Variants in ERP29 observed in about 807,000 individuals in gnomAD.
ERP29 encodes endoplasmic reticulum protein 29.
A neutral mutation model predicts 21.7 loss-of-function variants in ERP29; 14 were observed. The ratio of observed to expected loss-of-function variants is 0.64; its 90% CI spans 0.43 to 1.01. ERP29 has a LOEUF of 1.01. ERP29 is among the 50% of genes least tolerant of loss of function. The pLI, the probability that ERP29 is intolerant of heterozygous loss-of-function variation, is 0.00. For synonymous variants in ERP29, 129 were observed against 139.1 expected, an observed-to-expected ratio of 0.93 and a Z score of 0.51; for missense variants, 286 against 327.3, an observed-to-expected ratio of 0.87 and a Z score of 0.97.
At chr12:112,017,783 C>CTTTTT (rs1179680378) in intron 1 of ERP29, among the ~76,000 whole-genome samples, 2 of 124,138 alleles carry the variant, frequency 1.6e-5, no homozygotes, top group Non-Finnish European at 3.3e-5. Flanking sequence ...CTTTTTTTTT[C>CTTTTT]TTTTTTTTTT....
chr12:112,020,525 G>A (rs1048010563), intron 2 of ERP29, among the ~76,000 whole-genome samples: 2 of 152,166 alleles, frequency 1.3e-5, no homozygotes, highest in East Asian at 3.9e-4. Context: ...GGGTGATAGA[G>A]TGGCTCATCC....
Position 112,013,431 on chromosome 12 carries a change from C to A in ERP29, c.-35C>A, listed in dbSNP as rs779569535. 1.3e-6 allele frequency: 2 copies of A among 1,589,144 alleles called. No individual in the cohort carries two copies. Among genetic ancestry groups the A allele is most frequent in the South Asian group, 1.1e-5 (1 of 87,510 alleles). ...GCTGACTCGGGGCGTTCTCCACTAT[C>A]GCTTACCTACCTCCCTCTGCAGGAA... On this transcript the variant is annotated 5_prime_UTR_variant, in exon 1 of 3. Coordinates refer to ENST00000261735, the MANE Select transcript of ERP29 (RefSeq NM_006817.4).
chr12:112,017,656 A>C (rs1450236532), intron 1 of ERP29, among the ~76,000 whole-genome samples: 8 of 152,090 alleles, frequency 5.3e-5, no homozygotes, highest in Non-Finnish European at 2.9e-5. Flanking sequence ...TTTAAAGATG[A>C]CTTGTTCTGG....
rs878985186 is a variant in ERP29, at chr12:112,021,208, A to G, written c.284-942A>G. On this transcript the variant is annotated intron_variant, in intron 2 of 2. Coordinates refer to ENST00000261735, the MANE Select transcript of ERP29 (RefSeq NM_006817.4). Reference sequence around the variant, plus strand: ...TACCACATGCTCCCCTTTCTCACCCAGCTCCAGCCAGACTGGTCTTTGTAA... The same window carrying G: ...TACCACATGCTCCCCTTTCTCACCCGGCTCCAGCCAGACTGGTCTTTGTAA... 3.3e-5 allele frequency among the ~76,000 whole-genome samples: 5 copies of G among 151,982 alleles called. No homozygotes were observed. In the East Asian group the frequency reaches 7.8e-4, roughly 24 times the overall value.
chr12:112,017,931 CCCA>C (rs1299173368), intron 1 of ERP29, among the ~76,000 whole-genome samples: 1 of 151,414 alleles, frequency 6.6e-6, no homozygotes, highest in Non-Finnish European at 1.5e-5. Context: ...ATTACAGGCG[CCCA>C]CCACAACGCC....
rs767084110 is a variant in ERP29, at chr12:112,013,508, C to A, written c.43C>A (p.Leu15Ile). ...CCGCGCCGCATTTCTCTCCCCGCTG[C>A]TTCCCCTTCTCCTGGGCTTCCTGCT... is the stretch of plus-strand genomic sequence containing the variant. ...VPRAAFLSPL[L>I]PLLLGFLLLS... is the part of the protein sequence containing the mutation. Residue 15 changes from leucine (L) to isoleucine (I), a missense_variant, in exon 1 of 3, where the codon CTT becomes ATT. By Grantham distance (5) the Leu-to-Ile change is conservative. Coordinates refer to ENST00000261735, the MANE Select transcript of ERP29 (RefSeq NM_006817.4). 8 of 1,612,606 alleles carry A rather than the reference C, an allele frequency of 5.0e-6. No homozygotes were observed. The highest frequency in any genetic ancestry group is 5.9e-6 in the Non-Finnish European group (7 of 1,179,424).
intron 1 of ERP29, among the ~76,000 whole-genome samples, chr12:112,017,621 C>T (rs895409032): frequency 2.0e-5 from 3 of 152,090 alleles, no homozygotes; most frequent in Non-Finnish European, 4.4e-5. Flanking sequence ...TGCTTTTAGG[C>T]CCCCAGAGCT....
chr12:112,015,635 G>T (rs1389650612), intron 1 of ERP29, among the ~76,000 whole-genome samples: 1 of 152,104 alleles, frequency 6.6e-6, no homozygotes, highest in East Asian at 1.9e-4. Flanking sequence ...TAATATCACA[G>T]AACAAGTGTG....
chr12:112,022,598 C>T lies in ERP29; in HGVS notation c.732C>T (p.Ser244=). The T allele has an allele frequency of 6.2e-7, 1 of 1,613,830 alleles. No homozygotes were observed. The highest frequency in any genetic ancestry group is 8.5e-7 in the Non-Finnish European group (1 of 1,179,868). Reference sequence around the variant, plus strand: ...GGAAGAAGGAGGAGCTCCAGAAGAGCTTAAACATCCTGACTGCCTTCCAGA... The same window carrying T: ...GGAAGAAGGAGGAGCTCCAGAAGAGTTTAAACATCCTGACTGCCTTCCAGA... ...SDGKKEELQK[S]LNILTAFQKK... is the part of the protein sequence containing the mutation. The change falls in exon 3 of 3, where the codon AGC becomes AGT. Residue 244 remains serine (S), a synonymous_variant. Transcript: ENST00000261735.
chr12:112,022,740 G>C lies in ERP29; in HGVS notation c.*88G>C, dbSNP rs958196603. The C allele has an allele frequency of 2.9e-6, 4 of 1,389,704 alleles. No individual in the cohort carries two copies. In the East Asian group the frequency reaches 9.2e-5, roughly 32 times the overall value. 86.1% of individuals were successfully genotyped at this position (1,389,704 alleles called of 1,614,324 possible). On this transcript the variant is annotated 3_prime_UTR_variant, in exon 3 of 3. Coordinates refer to ENST00000261735, the MANE Select transcript of ERP29 (RefSeq NM_006817.4). ...CTGTGAGTCCCTTGTGGAATATAAG[G>C]GGGTAGTGGGAAAAGTGGTACTAAC...
At chr12:112,018,502 G>A (rs914519273) in intron 1 of ERP29, among the ~76,000 whole-genome samples, 1 of 152,122 alleles carries the variant, frequency 6.6e-6, no homozygotes, top group African/African-American at 2.4e-5. Flanking sequence ...CTTGGATTAG[G>A]AAAACAAAAA....
chr12:112,019,399 C>T, intron 1 of ERP29: 1 of 315,390 alleles, frequency 3.2e-6, no homozygotes. Flanking sequence ...CGAAAGGCCT[C>T]CTGGGATGAT....
In ERP29 at chr12:112,019,834, C is replaced by T. The variant is rs2078034493; in HGVS notation, c.223C>T (p.Arg75Cys). Residue 75 changes from arginine to cysteine, a missense_variant, in exon 2 of 3, where the codon CGT becomes TGT. Coordinates refer to ENST00000261735, the MANE Select transcript of ERP29 (RefSeq NM_006817.4). ...CGGTGAGAAGCAGGATGAGTTCAAG[C>T]GTCTTGCTGAAAACTCGGCTTCCAG... is the stretch of plus-strand genomic sequence containing the variant. ...PYGEKQDEFKRLAENSASSDD... is the reference protein window; with the variant it reads ...PYGEKQDEFKCLAENSASSDD... The T allele has an allele frequency of 1.2e-6, 2 of 1,613,852 alleles. No individual in the cohort carries two copies. Among genetic ancestry groups the T allele is most frequent in the African/African-American group, 1.3e-5 (1 of 74,828 alleles).
At chr12:112,019,624 ATTAG>A (rs1047203814) in intron 1 of ERP29, 128 bp from the exon 2 acceptor site, 1 of 1,014,286 alleles carries the variant, frequency 9.9e-7, no homozygotes, top group Non-Finnish European at 1.6e-6. Context: ...ATGAATAAAT[ATTAG>A]TTTGTGAGAG....
chr12:112,018,029 C>T (rs189773336), intron 1 of ERP29, among the ~76,000 whole-genome samples: 21 of 152,038 alleles, frequency 1.4e-4, no homozygotes, highest in African/African-American at 5.1e-4. Flanking sequence ...AGGTGATCCA[C>T]CCATCTCAGC....
At position 112,017,056 on chromosome 12, in the gene ERP29, ATAT is replaced by A. The variant is rs2078016407; in HGVS notation, c.145-2695_145-2693del. 2.0e-5 allele frequency among the ~76,000 whole-genome samples: 3 copies of A among 152,308 alleles called. No individual in the cohort carries two copies. The South Asian group carries it at 6.2e-4, about 32-fold the overall frequency. On this transcript the variant is annotated intron_variant, in intron 1 of 2. Transcript: ENST00000261735. ...ATGTTAGACCACTGTATAATTATTA[ATAT>A]TATTCCATAATACAAGTGCAGGCCC... is the stretch of plus-strand genomic sequence containing the variant.
At chr12:112,019,663 C>G (rs887372656) in intron 1 of ERP29, 93 bp from the exon 2 acceptor site, 5 of 1,437,054 alleles carry the variant, frequency 3.5e-6, no homozygotes, top group African/African-American at 1.4e-5. Context: ...GGGCTTGTTT[C>G]CACTCTATTT....
At chr12:112,015,593 C>A (rs1351649095) in intron 1 of ERP29, among the ~76,000 whole-genome samples, 2 of 152,092 alleles carry the variant, frequency 1.3e-5, no homozygotes, top group Non-Finnish European at 2.9e-5. Context: ...CAAAATGACA[C>A]CCCTACCCCA....
At chr12:112,015,547 C>G (rs975663035) in intron 1 of ERP29, among the ~76,000 whole-genome samples, 3 of 152,002 alleles carry the variant, frequency 2.0e-5, no homozygotes, top group African/African-American at 7.3e-5. Context: ...CTCAGACACA[C>G]CCTACAGCAC....
Sources: allele counts gnomAD v4.1 joint callset (sites outside exome capture counted in the v4.1 genomes callset), GRCh38; gene constraint gnomAD v4.1.1; transcripts MANE v1.5; gene names NCBI Gene and HGNC (gene_info 2026-07-23, HGNC 2026-07-21).